The following WDR37 variants were observed in gnomAD, a reference collection of about 807,000 sequenced individuals.
WDR37 encodes the protein WD repeat-containing protein 37.
A neutral mutation model predicts 62.9 loss-of-function variants in WDR37; 19 were observed. The observed-to-expected ratio is 0.30, with a 90% CI of 0.21 to 0.44. WDR37 has a LOEUF of 0.44. Ranked by LOEUF, WDR37 falls within the 20% of genes least tolerant of loss-of-function variation. The pLI is 1.00. For missense variants in WDR37, 474 were observed against 657.6 expected, an observed-to-expected ratio of 0.72 and a Z score of 3.05; for synonymous variants, 250 against 260.9, an observed-to-expected ratio of 0.96 and a Z score of 0.40.
intron 1 of WDR37, among the ~76,000 whole-genome samples, chr10:1,071,306 T>C (rs961327824): frequency 2.0e-5 from 3 of 152,136 alleles, no homozygotes; most frequent in Admixed American, 2.0e-4. Context: ...GATAGGATTG[T>C]GTTCATGGGA....
rs1382704725 is a variant in WDR37, at chr10:1,105,178, G to A, written c.1014G>A (p.Val338=). The A allele has an allele frequency of 6.2e-7, 1 of 1,614,090 alleles. No individual in the cohort carries two copies. Among genetic ancestry groups the A allele is most frequent in the East Asian group, 2.2e-5 (1 of 44,872 alleles). Residue 338 remains valine (V), a synonymous_variant, in exon 11 of 14, where the codon GTG becomes GTA. Transcript: ENST00000263150. This position sits in a 1 kb window ranked among gnomAD's most constrained non-coding sequence, Gnocchi z 5.3. ...GCACACACCCCACCCAGCGGCTCGTGGTGACCTCCTCCCGTGACACGACTT... is the reference window on the plus strand; with the variant it reads ...GCACACACCCCACCCAGCGGCTCGTAGTGACCTCCTCCCGTGACACGACTT... ...HCCTHPTQRL[V]VTSSRDTTFR...
At chr10:1,124,525 C>G (rs766721961) in intron 12 of WDR37, among the ~76,000 whole-genome samples, 173 bp downstream of exon 12, 12 of 152,142 alleles carry the variant, frequency 7.9e-5, no homozygotes, top group Non-Finnish European at 1.8e-4. Context: ...ACTAACTTAG[C>G]CTAAAACCAG....
chr10:1,062,209 G>A (rs1358255921), intron 1 of WDR37, among the ~76,000 whole-genome samples: 1 of 152,200 alleles, frequency 6.6e-6, no homozygotes, highest in Non-Finnish European at 1.5e-5. Flanking sequence ...CATACATTTG[G>A]TTGTAGTTGA....
At chr10:1,062,824 ACGC>A (rs1317440409) in intron 1 of WDR37, among the ~76,000 whole-genome samples, 2 of 152,186 alleles carry the variant, frequency 1.3e-5, no homozygotes, top group Non-Finnish European at 2.9e-5. Context: ...GCAGTGGCTC[ACGC>A]CTGTAATCCA....
intron 8 of WDR37, among the ~76,000 whole-genome samples, chr10:1,093,871 TAGCACAGAGACAC>T (rs1435258957): frequency 6.6e-6 from 1 of 152,228 alleles, no homozygotes; most frequent in Non-Finnish European, 1.5e-5. Flanking sequence ...AAGAGAAAAG[TAGCACAGAGACAC>T]AGCAAGTTGC....
chr10:1,062,712 T>C (rs994164985), intron 1 of WDR37, among the ~76,000 whole-genome samples: 3 of 152,232 alleles, frequency 2.0e-5, no homozygotes, highest in Non-Finnish European at 4.4e-5. Context: ...TTCTTGGCTT[T>C]CTGCTTGCGG....
chr10:1,125,546 C>T (rs1264399471), intron 13 of WDR37, among the ~76,000 whole-genome samples: 3 of 152,162 alleles, frequency 2.0e-5, no homozygotes, highest in Non-Finnish European at 4.4e-5. Context: ...TTTCAGTTTA[C>T]AAATAAAGAA....
chr10:1,114,167 A>G (rs763744620), intron 11 of WDR37, among the ~76,000 whole-genome samples: 1 of 151,900 alleles, frequency 6.6e-6, no homozygotes, highest in African/African-American at 2.4e-5. Flanking sequence ...ACATCGGCCA[A>G]GCTGGTCTCA....
intron 11 of WDR37, among the ~76,000 whole-genome samples, chr10:1,116,191 C>A (rs1006540756): frequency 1.8e-4 from 28 of 151,894 alleles, no homozygotes; most frequent in African/African-American, 6.3e-4. Flanking sequence ...GTATCCACCC[C>A]ACCCTGGGTT....
chr10:1,084,673 C>A, intron 6 of WDR37, 135 bp downstream of exon 6: 1 of 1,280,792 alleles, frequency 7.8e-7, no homozygotes, highest in Non-Finnish European at 1.1e-6. Context: ...GAACCCCCCA[C>A]ACATTAACCC....
intron 9 of WDR37, among the ~76,000 whole-genome samples, chr10:1,101,235 C>T (rs1834788934): frequency 6.6e-6 from 1 of 152,182 alleles, no homozygotes; most frequent in South Asian, 2.1e-4. Flanking sequence ...TTCTGAACAA[C>T]AGATCCGTGT....
At chr10:1,082,282 T>G (rs545247479) in intron 5 of WDR37, among the ~76,000 whole-genome samples, 24 of 152,266 alleles carry the variant, frequency 1.6e-4, no homozygotes, top group African/African-American at 5.5e-4. Context: ...GCAAGTAACG[T>G]GCCTGGTGGG....
At chr10:1,126,176 C>A (rs150574605) in intron 13 of WDR37, among the ~76,000 whole-genome samples, 132 of 152,108 alleles carry the variant, frequency 8.7e-4, no homozygotes, top group African/African-American at 3.0e-3. Context: ...GAGGCTGAGG[C>A]GGGCAGATCA....
intron 11 of WDR37, among the ~76,000 whole-genome samples, chr10:1,114,855 G>A (rs956416255): frequency 2.0e-5 from 3 of 152,216 alleles, no homozygotes; most frequent in East Asian, 3.8e-4. Context: ...GAACCCACAC[G>A]CAGGCCATTC....
intron 13 of WDR37, among the ~76,000 whole-genome samples, chr10:1,127,848 T>C (rs372306026): frequency 5.3e-5 from 8 of 152,338 alleles, no homozygotes; most frequent in African/African-American, 1.9e-4. Context: ...ATCTGCTTCC[T>C]GGGTGGCAAT....
chr10:1,063,558 C>T (rs1056608151), intron 1 of WDR37, among the ~76,000 whole-genome samples: 3 of 152,322 alleles, frequency 2.0e-5, no homozygotes, highest in Non-Finnish European at 4.4e-5. Flanking sequence ...GGGTTGCTGT[C>T]AGAGAAGACT....
intron 1 of WDR37, among the ~76,000 whole-genome samples, chr10:1,069,385 A>ATTTTTTTTTTTTTTT (rs1564496938): frequency 1.1e-4 from 3 of 28,454 alleles, no homozygotes; most frequent in Admixed American, 3.4e-4. Flanking sequence ...ATATATATAT[A>ATTTTTTTTTTTTTTT]TATATTTTTT....
chr10:1,101,262 G>A (rs1041373911), intron 9 of WDR37, among the ~76,000 whole-genome samples: 3 of 152,156 alleles, frequency 2.0e-5, no homozygotes, highest in African/African-American at 4.8e-5. Flanking sequence ...CAACAGATCC[G>A]TGTTCCCACA....
chr10:1,100,620 G>A (rs997903330), intron 9 of WDR37, among the ~76,000 whole-genome samples: 3 of 152,234 alleles, frequency 2.0e-5, no homozygotes, highest in Admixed American at 1.3e-4. Flanking sequence ...GTGTTGATAA[G>A]GAAGCGTTTG....
Sources: gnomAD v4.1 joint callset for allele counts (sites outside exome capture counted in the v4.1 genomes callset) on GRCh38, gnomAD v4.1.1 for gene constraint, Gnocchi (gnomAD v3.1) non-coding constraint, MANE v1.5 for transcripts, NCBI Gene and HGNC (gene_info 2026-07-23, HGNC 2026-07-21) for gene names.